TTC28: variants seen among roughly 807,000 people sequenced by gnomAD.
TTC28 encodes the protein tetratricopeptide repeat domain 28, also known as tetratricopeptide repeat protein 28.
A neutral mutation model predicts 198.0 loss-of-function variants in TTC28; 61 were observed. The ratio of observed to expected loss-of-function variants is 0.31; its 90% confidence interval spans 0.25 to 0.38. The LOEUF is 0.38. TTC28 is among the 10% of genes least tolerant of loss of function. The pLI is 1.00. For missense variants in TTC28, 2,678 were observed against 3,164.0 expected (o/e 0.85, Z 3.69); for synonymous variants, 1,171 against 1,297.8 (o/e 0.90, Z 2.10).
chr22:28,204,997 A>G (rs1926275664), intron 5 of TTC28, among the ~76,000 whole-genome samples: 1 of 152,118 alleles, frequency 6.6e-6, no homozygotes, highest in African/African-American at 2.4e-5. Context: ...AAAATCTCAT[A>G]TATGTTTCAG....
At chr22:28,239,919 T>C (rs2147249632) in intron 5 of TTC28, among the ~76,000 whole-genome samples, 1 of 152,336 alleles carries the variant, frequency 6.6e-6, no homozygotes, top group South Asian at 2.1e-4. Context: ...CTCTCATTGC[T>C]TCTAGACCAG....
intron 6 of TTC28, among the ~76,000 whole-genome samples, chr22:28,118,961 T>C (rs1216285130): frequency 6.6e-6 from 1 of 152,250 alleles, no homozygotes; most frequent in Non-Finnish European, 1.5e-5. Flanking sequence ...TTTATATCTG[T>C]TGCATGCTCA....
chr22:28,072,443 C>G (rs887188875), intron 12 of TTC28, among the ~76,000 whole-genome samples: 5 of 152,150 alleles, frequency 3.3e-5, no homozygotes, highest in African/African-American at 1.2e-4. Flanking sequence ...GGACTAAGTT[C>G]AATTGTCCAT....
chr22:28,045,056 C>T (rs998307553), intron 12 of TTC28, among the ~76,000 whole-genome samples: 6 of 152,020 alleles, frequency 3.9e-5, no homozygotes, highest in African/African-American at 1.2e-4. Flanking sequence ...AAATCTTTGC[C>T]GAGAAAGTGT....
intron 5 of TTC28, among the ~76,000 whole-genome samples, chr22:28,199,783 T>C (rs980845163): frequency 1.1e-4 from 17 of 151,856 alleles, no homozygotes; most frequent in Non-Finnish European, 2.4e-4. Flanking sequence ...TAACAAGTCT[T>C]ACTGTCTTCA....
intron 2 of TTC28, among the ~76,000 whole-genome samples, chr22:28,432,552 C>T (rs2047449112): frequency 6.6e-6 from 1 of 152,042 alleles, no homozygotes; most frequent in Admixed American, 6.6e-5. Flanking sequence ...TAGCCCAGTT[C>T]TTCTAAATTG....
At chr22:28,079,911 T>C (rs186124991) in intron 12 of TTC28, among the ~76,000 whole-genome samples, 12 of 152,268 alleles carry the variant, frequency 7.9e-5, no homozygotes, top group African/African-American at 2.4e-4. Context: ...AATTTTTTTG[T>C]AGAGACAGGG....
In TTC28 at chr22:28,422,231, T is replaced by C. The variant is rs2047266423; in HGVS notation, c.382-115588A>G. On this transcript the variant is annotated intron_variant, in intron 2 of 22. Transcript: ENST00000397906. The stretch of plus-strand genomic sequence containing the variant: ...AGAAGGCTGTCTTCCTCTCACTTTA[T>C]ACTTGAATGGTTTCCCTGCTAAATG... Among the ~76,000 whole-genome samples the C allele has an allele frequency of 2.0e-5, 3 of 152,218 alleles. 1 individual carries two copies. Among genetic ancestry groups the C allele is most frequent in the Admixed American group, 2.0e-4 (3 of 15,278 alleles).
intron 1 of TTC28, among the ~76,000 whole-genome samples, chr22:28,673,676 A>AT (rs1344975356): frequency 6.6e-6 from 1 of 152,224 alleles, no homozygotes; most frequent in African/African-American, 2.4e-5. Flanking sequence ...TGATACTTAT[A>AT]TTTTGCTAAA....
intron 6 of TTC28, among the ~76,000 whole-genome samples, chr22:28,142,433 C>T (rs1461085294): frequency 2.0e-5 from 3 of 152,178 alleles, no homozygotes; most frequent in African/African-American, 7.2e-5. Flanking sequence ...CCCAAATTCT[C>T]TTCTTTTGTC....
At chr22:28,206,184 C>T (rs2147165529) in intron 5 of TTC28, among the ~76,000 whole-genome samples, 1 of 152,136 alleles carries the variant, frequency 6.6e-6, no homozygotes, top group African/African-American at 2.4e-5. Context: ...AATTAAAATA[C>T]AACAGCCAAT....
rs73880400 is a variant in TTC28 at position 28,156,770 on chromosome 22, T to C, written c.1441+6322A>G. 8.1e-3 allele frequency among the ~76,000 whole-genome samples: 1,231 copies of C among 152,288 alleles called. 21 individuals are homozygous for C. The highest frequency in any genetic ancestry group is 0.028 in the African/African-American group (1,172 of 41,556). ...GAAACACTGTGTACTGGAGCAGTTG[T>C]CAAAGGTTGGGGGTACAAAACCTAC... On this transcript the variant is annotated intron_variant, in intron 6 of 22. Coordinates refer to ENST00000397906, the MANE Select transcript of TTC28 (RefSeq NM_001145418.2).
chr22:28,130,497 C>G (rs543435866), intron 6 of TTC28, among the ~76,000 whole-genome samples: 4 of 152,028 alleles, frequency 2.6e-5, no homozygotes, highest in African/African-American at 9.7e-5. Flanking sequence ...CTGTGAGTAC[C>G]CTATCAGAAT....
chr22:28,217,651 AGCACAGTATAAT>A (rs1927513646), intron 5 of TTC28, among the ~76,000 whole-genome samples: 2 of 152,216 alleles, frequency 1.3e-5, no homozygotes, highest in Admixed American at 1.3e-4. Flanking sequence ...AACAAGAAGC[AGCACAGTATAAT>A]GCATCAGTTC....
chr22:28,084,570 G>C (rs549529819), intron 12 of TTC28, among the ~76,000 whole-genome samples: 7 of 152,162 alleles, frequency 4.6e-5, no homozygotes, highest in African/African-American at 1.4e-4. Flanking sequence ...AAAAAACAGA[G>C]CAGAAAAACT....
intron 2 of TTC28, among the ~76,000 whole-genome samples, chr22:28,374,648 C>G (rs1021971334): frequency 6.6e-6 from 1 of 152,110 alleles, no homozygotes; most frequent in African/African-American, 2.4e-5. Context: ...AAGATTCAGA[C>G]ATCAAAGTGA....
intron 2 of TTC28, among the ~76,000 whole-genome samples, chr22:28,550,179 T>C (rs1258191674): frequency 3.3e-5 from 5 of 152,192 alleles, no homozygotes; most frequent in Non-Finnish European, 5.9e-5. Context: ...ATGGTATTAT[T>C]GACATTTTGC....
chr22:28,195,952 G>T (rs1925290560), intron 5 of TTC28, among the ~76,000 whole-genome samples: 1 of 151,870 alleles, frequency 6.6e-6, no homozygotes, highest in Non-Finnish European at 1.5e-5. Context: ...AGTTCATATG[G>T]AACCAAAAAA....
chr22:28,259,923 A>G (rs1271980188), intron 5 of TTC28, among the ~76,000 whole-genome samples: 1 of 152,182 alleles, frequency 6.6e-6, no homozygotes, highest in Non-Finnish European at 1.5e-5. Context: ...GTAGAGGCAG[A>G]AAGTCAGTTT....
Sources: gnomAD v4.1 joint callset for allele counts (sites outside exome capture counted in the v4.1 genomes callset) on GRCh38, gnomAD v4.1.1 for gene constraint, MANE v1.5 for transcripts, NCBI Gene and HGNC (gene_info 2026-07-23, HGNC 2026-07-21) for gene names.